STK32B: variants seen among roughly 807,000 people sequenced by gnomAD.
STK32B encodes the protein serine/threonine kinase 32B.
A neutral mutation model predicts 52.6 loss-of-function variants in STK32B; 43 were observed. That is an observed-to-expected ratio of 0.82 (90% CI 0.64 to 1.05). STK32B has a LOEUF of 1.05. Ranked by LOEUF, STK32B falls within the 50% of genes least tolerant of loss-of-function variation. The pLI is 0.00. For missense variants in STK32B, 621 were observed against 534.6 expected, an observed-to-expected ratio of 1.16 and a Z score of -1.59; for synonymous variants, 238 against 204.3, an observed-to-expected ratio of 1.17 and a Z score of -1.41.
intron 4 of STK32B, among the ~76,000 whole-genome samples, chr4:5,343,493 A>C (rs981355327): frequency 6.6e-6 from 1 of 152,106 alleles, no homozygotes; most frequent in African/African-American, 2.4e-5. Context: ...GTCAAATGGT[A>C]TTTCTAGTTC....
In STK32B at chr4:5,317,536, CATGTATATATAT is replaced by C. The variant is rs1447385701; in HGVS notation, c.261-13681_261-13670del. On this transcript the variant is annotated intron_variant, in intron 3 of 11. Coordinates refer to ENST00000282908, the MANE Select transcript of STK32B (RefSeq NM_018401.3). ...TAATATATTTATTATATATATATTA[CATGTATATATAT>C]ATATATATATAACTTGAAAAAAATA... Among the ~76,000 whole-genome samples, 2 of 93,542 alleles carry C rather than the reference CATGTATATATAT, an allele frequency of 2.1e-5. 1 individual carries two copies. The highest frequency in any genetic ancestry group is 1.4e-4 in the African/African-American group (2 of 14,780). 61.4% of individuals were successfully genotyped at this position (93,542 alleles called of 152,430 possible).
rs1729575854 is a variant in STK32B at position 5,301,775 on chromosome 4, T to C, written c.261-29445T>C. Among the ~76,000 whole-genome samples, 6 of 151,056 alleles carry C rather than the reference T, an allele frequency of 4.0e-5. 1 individual carries two copies. The South Asian group carries it at 1.2e-3, about 31-fold the overall frequency. On this transcript the variant is annotated intron_variant, in intron 3 of 11. Transcript: ENST00000282908. ...TTTTTTTTTGAAAACTGTTAGTTTA[T>C]CTTTTATTTCATTGAAATAGAAAAT...
chr4:5,239,669 G>A (rs902776124), intron 3 of STK32B, among the ~76,000 whole-genome samples: 2 of 152,158 alleles, frequency 1.3e-5, no homozygotes, highest in African/African-American at 4.8e-5. Context: ...GGCATGAGAG[G>A]GGTTGTGGAA....
chr4:5,052,985 G>A (rs1281208059), intron 1 of STK32B, among the ~76,000 whole-genome samples: 1 of 152,192 alleles, frequency 6.6e-6, no homozygotes, highest in African/African-American at 2.4e-5. Context: ...TGGGCTTGAG[G>A]CAGGACAGTC....
rs1026711265 is a variant in STK32B at position 5,378,601 on chromosome 4, C to CT, written c.435-19599dup. ...TGTCTTCTCCACTGGTTTGGAAGCC[C>CT]TTTTTTTCTAATTTTTATGGGTACA... On this transcript the variant is annotated intron_variant, in intron 4 of 11. Transcript: ENST00000282908. The surrounding 1 kb of genome is among the most constrained non-coding windows in gnomAD (Gnocchi z 4.4). 6.6e-6 allele frequency among the ~76,000 whole-genome samples: 1 copy of CT among 151,894 alleles called. No homozygotes were observed. Among genetic ancestry groups the CT allele is most frequent in the South Asian group, 2.1e-4 (1 of 4,810 alleles).
At chr4:5,277,651 T>C (rs1261206854) in intron 3 of STK32B, among the ~76,000 whole-genome samples, 1 of 152,214 alleles carries the variant, frequency 6.6e-6, no homozygotes, top group African/African-American at 2.4e-5. Flanking sequence ...CTAAAAGATA[T>C]TAAAAGCTGC....
chr4:5,101,432 T>G (rs1266092998), intron 1 of STK32B, among the ~76,000 whole-genome samples: 4 of 152,158 alleles, frequency 2.6e-5, no homozygotes, highest in African/African-American at 9.7e-5. Context: ...GAAAATTACT[T>G]CTTTTGTCAA....
At chr4:5,242,509 T>C (rs1429264574) in intron 3 of STK32B, among the ~76,000 whole-genome samples, 1 of 152,208 alleles carries the variant, frequency 6.6e-6, no homozygotes, top group Non-Finnish European at 1.5e-5. Flanking sequence ...TGCAAAAATT[T>C]TCTCCCATTC....
intron 4 of STK32B, among the ~76,000 whole-genome samples, chr4:5,336,398 A>C (rs1385289274): frequency 6.6e-6 from 1 of 152,126 alleles, no homozygotes; most frequent in East Asian, 1.9e-4. Flanking sequence ...TCAGACATCC[A>C]GGGAAATCTT....
chr4:5,455,837 T>G (rs573530371), intron 7 of STK32B, among the ~76,000 whole-genome samples: 12 of 152,194 alleles, frequency 7.9e-5, no homozygotes, highest in South Asian at 4.2e-4. Flanking sequence ...CAGCACTAAT[T>G]TTACTGGCAC....
At chr4:5,416,456 C>A (rs1229408467) in intron 5 of STK32B, among the ~76,000 whole-genome samples, 1 of 152,092 alleles carries the variant, frequency 6.6e-6, no homozygotes, top group Non-Finnish European at 1.5e-5. Flanking sequence ...AAACAGTGTC[C>A]TCTGGGTGGG....
intron 1 of STK32B, among the ~76,000 whole-genome samples, chr4:5,111,309 A>C (rs905509651): frequency 6.6e-6 from 1 of 152,178 alleles, no homozygotes; most frequent in African/African-American, 2.4e-5. Context: ...AGACACCTGC[A>C]CTTGTATGTT....
intron 3 of STK32B, 32 bp from the exon 4 acceptor site, chr4:5,331,188 C>A (rs1381267731): frequency 6.3e-7 from 1 of 1,581,386 alleles, no homozygotes; most frequent in East Asian, 2.3e-5. Context: ...GTGCCTCCAC[C>A]CCTAATCTTC....
chr4:5,096,724 A>T (rs544474140), intron 1 of STK32B, among the ~76,000 whole-genome samples: 4 of 152,216 alleles, frequency 2.6e-5, no homozygotes, highest in Non-Finnish European at 5.9e-5. Context: ...AGGAAGGGGG[A>T]GGGCGGCGTT....
the STK32B span, among the ~76,000 whole-genome samples, chr4:5,021,287 G>A: frequency 4.1e-4 from 63 of 152,356 alleles, no homozygotes; most frequent in African/African-American, 1.5e-3. Context: ...ACTGTAAGCT[G>A]TGCCTTCCTG....
chr4:5,205,918 A>G (rs1441153759), intron 3 of STK32B, among the ~76,000 whole-genome samples: 1 of 152,178 alleles, frequency 6.6e-6, no homozygotes, highest in Non-Finnish European at 1.5e-5. Flanking sequence ...GGCCAAAGGA[A>G]TGGAAGATAC....
At position 5,255,903 on chromosome 4, in the gene STK32B, C is replaced by T. The variant is rs114504446; in HGVS notation, c.261-75317C>T. Among the ~76,000 whole-genome samples the T allele has an allele frequency of 3.5e-3, 533 of 152,296 alleles. 4 individuals carry two copies. The highest frequency in any genetic ancestry group is 0.012 in the African/African-American group (503 of 41,566). ...TGTGCACATTCTTATCCATGGTGAA[C>T]ATACGCATGCATGTCCCTTGAGTAT... is the stretch of plus-strand genomic sequence containing the variant. On this transcript the variant is annotated intron_variant, in intron 3 of 11. Transcript: ENST00000282908.
chr4:5,127,436 G>A (rs565626728), intron 1 of STK32B, among the ~76,000 whole-genome samples: 16 of 152,196 alleles, frequency 1.1e-4, no homozygotes, highest in Non-Finnish European at 2.2e-4. Context: ...CGGTGGCACA[G>A]ATGTGGCTCA....
chr4:5,197,740 T>G (rs778638853), intron 3 of STK32B, among the ~76,000 whole-genome samples: 6 of 152,210 alleles, frequency 3.9e-5, no homozygotes, highest in Non-Finnish European at 8.8e-5. Context: ...ATCCTTTTAT[T>G]CATGTTTTCT....
Sources: gnomAD v4.1 joint callset for allele counts (sites outside exome capture counted in the v4.1 genomes callset) on GRCh38, gnomAD v4.1.1 for gene constraint, Gnocchi (gnomAD v3.1) non-coding constraint, MANE v1.5 for transcripts, NCBI Gene and HGNC (gene_info 2026-07-23, HGNC 2026-07-21) for gene names.